Variants in ITPR3 observed in about 807,000 individuals in gnomAD.
The protein encoded by ITPR3 is inositol 1,4,5-trisphosphate receptor type 3.
In ITPR3, 173 loss-of-function variants were observed where a neutral mutation model predicts 293.2. The observed-to-expected ratio is 0.59, with a 90% confidence interval of 0.52 to 0.67. The LOEUF (loss-of-function observed/expected upper bound fraction) is 0.67, where lower values mean the gene tolerates loss of function less well. Among genes scored for constraint, ITPR3 ranks in the 30% least tolerant of loss-of-function variants. The pLI, the probability that ITPR3 is intolerant of heterozygous loss-of-function variation, is 0.00. For missense variants in ITPR3, 2,796 were observed against 3,592.1 expected, an observed-to-expected ratio of 0.78 and a Z score of 5.66; for synonymous variants, 1,295 against 1,444.4, an observed-to-expected ratio of 0.90 and a Z score of 2.35.
rs1765278450 is a variant in ITPR3, at chr6:33,687,870, C to A, written c.6265-187C>A. ...ATTCTCTGGTCATGGCTCTCCCACT[C>A]CCCTCCCTTTGGCACCAGGTTCTCA... On this transcript the variant is annotated intron_variant, in intron 46 of 57. Transcript: ENST00000605930. This position sits in a 1 kb window ranked among gnomAD's most constrained non-coding sequence, Gnocchi z 5.3. Among the ~76,000 whole-genome samples the A allele has an allele frequency of 1.3e-5, 2 of 152,174 alleles. No individual in the cohort carries two copies. The highest frequency in any genetic ancestry group is 3.9e-4 in the East Asian group (2 of 5,158).
At position 33,667,872 on chromosome 6, in the gene ITPR3, G is replaced by T. The variant is rs781464449; in HGVS notation, c.1794G>T (p.Leu598=). The change falls in exon 16 of 58, where the codon CTG becomes CTT. Residue 598 remains leucine, a synonymous_variant. Coordinates refer to ENST00000605930, the MANE Select transcript of ITPR3 (RefSeq NM_002224.4). The surrounding 1 kb of genome is among the most constrained non-coding windows in gnomAD (Gnocchi z 4.4). Reference sequence around the variant, plus strand: ...TGGCCGAGGACACCATCACTGCCCTGCTGCACAACAACCGCAAGCTCCTGG... The same window carrying T: ...TGGCCGAGGACACCATCACTGCCCTTCTGCACAACAACCGCAAGCTCCTGG... ...DILAEDTITA[L]LHNNRKLLEK... The T allele has an allele frequency of 6.2e-7, 1 of 1,614,054 alleles. No individual in the cohort carries two copies. The highest frequency in any genetic ancestry group is 1.7e-5 in the Admixed American group (1 of 60,004).
intron 1 of ITPR3, among the ~76,000 whole-genome samples, chr6:33,634,034 A>C (rs1763758161): frequency 6.6e-6 from 1 of 152,136 alleles, no homozygotes; most frequent in Non-Finnish European, 1.5e-5. Flanking sequence ...AGGTCTCCCG[A>C]CAGGCCATCT....
Position 33,640,551 on chromosome 6 carries a change from C to A in ITPR3, c.157C>A (p.Arg53Ser). The A allele has an allele frequency of 6.2e-7, 1 of 1,612,166 alleles. No homozygotes were observed. Residue 53 changes from arginine (R) to serine (S), a missense_variant, in exon 2 of 58, where the codon CGT becomes AGT. Physicochemically the swap from Arg to Ser is moderately radical, Grantham distance 110 (BLOSUM62 -1). Transcript: ENST00000605930. The part of the protein sequence containing the change: ...GDLDNPPKKF[R>S]DCLFKVCPMN... ...CCTGGACAACCCCCCTAAGAAGTTCCGTGGTAAGACCTCCGCTTCCTCTGC... is the reference window on the plus strand; with the variant it reads ...CCTGGACAACCCCCCTAAGAAGTTCAGTGGTAAGACCTCCGCTTCCTCTGC...
At chr6:33,671,468 A>G (rs1764763720) in intron 21 of ITPR3, among the ~76,000 whole-genome samples, 162 bp downstream of exon 21, 1 of 152,174 alleles carries the variant, frequency 6.6e-6, no homozygotes, top group African/African-American at 2.4e-5. Context: ...CCACCTCAGC[A>G]GGACCAGAGG....
chr6:33,695,537 G>C (rs776902137), intron 57 of ITPR3, 175 bp from the exon 58 acceptor site: 7 of 644,594 alleles, frequency 1.1e-5, no homozygotes, highest in Admixed American at 7.8e-5. Context: ...TGAGAACAAG[G>C]GTTTGGTGCT....
rs375536622 is a variant in ITPR3, at chr6:33,663,758, C to T, written c.1026C>T (p.Gly342=). The change falls in exon 11 of 58, where the codon GGC becomes GGT. Residue 342 remains glycine (G), a synonymous_variant. Coordinates refer to ENST00000605930, the MANE Select transcript of ITPR3 (RefSeq NM_002224.4). ...AAGMGAQGRT[G]RRNAGEKIKY... ...TCCAGGGGGCACAGGGCCGCACAGG[C>T]CGCAGGAATGCTGGGGAGAAGATCA... 13 of 1,614,084 alleles carry T rather than the reference C, an allele frequency of 8.1e-6. No individual in the cohort carries two copies. The highest frequency in any genetic ancestry group is 7.6e-6 in the Non-Finnish European group (9 of 1,180,016).
chr6:33,657,830 T>G, intron 3 of ITPR3, 102 bp from the exon 4 acceptor site: 4 of 851,470 alleles, frequency 4.7e-6, no homozygotes, highest in Non-Finnish European at 7.7e-6. Flanking sequence ...TGTGTGTGTG[T>G]GTGTTTGTGT....
rs1302851800 is a variant in ITPR3 at position 33,675,220 on chromosome 6, G to A, written c.3117-471G>A. Among the ~76,000 whole-genome samples the A allele has an allele frequency of 1.3e-5, 2 of 152,058 alleles. No individual in the cohort carries two copies. Among genetic ancestry groups the A allele is most frequent in the African/African-American group, 4.8e-5 (2 of 41,384 alleles). On this transcript the variant is annotated intron_variant, in intron 24 of 57. Coordinates refer to ENST00000605930, the MANE Select transcript of ITPR3 (RefSeq NM_002224.4). This position sits in a 1 kb window ranked among gnomAD's most constrained non-coding sequence, Gnocchi z 5.0. ...GCAGATCACTTGAGGTCAGGAGTTC[G>A]AGACCAGCCTGGCCAACATGGTGAA...
At chr6:33,628,754 C>T (rs551371636) in intron 1 of ITPR3, among the ~76,000 whole-genome samples, 26 of 152,082 alleles carry the variant, frequency 1.7e-4, no homozygotes, top group Non-Finnish European at 3.1e-4. Context: ...TGGGCAGAGC[C>T]GGAAGGGGCT....
At chr6:33,694,650 G>A (rs2127326276) in intron 56 of ITPR3, 1 of 465,482 alleles carries the variant, frequency 2.1e-6, no homozygotes, top group Admixed American at 3.5e-5. Context: ...TAAACAGATG[G>A]TGCTGATACC....
chr6:33,625,604 G>T (rs1481851319), intron 1 of ITPR3, among the ~76,000 whole-genome samples: 1 of 152,172 alleles, frequency 6.6e-6, no homozygotes, highest in East Asian at 1.9e-4. Context: ...GGTGAACTGG[G>T]TCTTGGAGCT....
In ITPR3 at chr6:33,664,004, T is replaced by G; in HGVS notation, c.1148+124T>G. 1 of 1,163,106 alleles carries G rather than the reference T, an allele frequency of 8.6e-7. No homozygotes were observed. Among genetic ancestry groups the G allele is most frequent in the Non-Finnish European group, 1.2e-6 (1 of 838,248 alleles). The allele number at this position is 1,163,106 out of a possible 1,614,324, so 72.0% of individuals were successfully genotyped here. ...GCGGTCCTTTAGCCTCTGGGGTCTC[T>G]GTAGGTCCCATCCCTCTGGGGATCT... is the stretch of plus-strand genomic sequence containing the variant. On this transcript the variant is annotated intron_variant, in intron 11 of 57. Coordinates refer to ENST00000605930, the MANE Select transcript of ITPR3 (RefSeq NM_002224.4). This position sits in a 1 kb window ranked among gnomAD's most constrained non-coding sequence, Gnocchi z 4.4.
In ITPR3 at chr6:33,621,775, C is replaced by T; in HGVS notation, c.89+84C>T. 2 of 1,027,070 alleles carry T rather than the reference C, an allele frequency of 1.9e-6. No homozygotes were observed. The highest frequency in any genetic ancestry group is 1.4e-5 in the South Asian group (1 of 70,310). 63.6% of individuals were successfully genotyped at this position (1,027,070 alleles called of 1,614,324 possible). A position where few individuals can be genotyped will look rare whatever the true frequency, so the allele number is the denominator to read the frequency against. On this transcript the variant is annotated intron_variant, in intron 1 of 57. Transcript: ENST00000605930. This position sits in a 1 kb window ranked among gnomAD's most constrained non-coding sequence, Gnocchi z 7.7. ...GCCAGCTGCGTGCGTCCAGCCGCCGCCCCCCGATAGAGGCCTGGACGTCCC... is the reference window on the plus strand; with the variant it reads ...GCCAGCTGCGTGCGTCCAGCCGCCGTCCCCCGATAGAGGCCTGGACGTCCC...
chr6:33,685,621 C>T (rs1321826819), intron 40 of ITPR3, 22 bp from the exon 41 acceptor site: 3 of 1,583,488 alleles, frequency 1.9e-6, no homozygotes, highest in Admixed American at 3.4e-5. Flanking sequence ...GCAGCTCCAG[C>T]CTCACCAGGT....
intron 28 of ITPR3, 31 bp downstream of exon 28, chr6:33,677,660 A>G (rs764101371): frequency 1.6e-5 from 26 of 1,608,918 alleles, no homozygotes; most frequent in Non-Finnish European, 2.2e-5. Flanking sequence ...CTGACTCCCC[A>G]GGGTGGCTTC....
Position 33,678,743 on chromosome 6 carries a change from GCA to G in ITPR3, c.3878_3879del (p.His1293ArgfsTer15). ...AGCACTTCGTGCACCTGCTGGCCACGCACGGGCGCCATGTGCAGTACCTGGAC... is the reference window on the plus strand; with the variant it reads ...AGCACTTCGTGCACCTGCTGGCCACGCGGGCGCCATGTGCAGTACCTGGAC... ...LQHFVHLLATHGRHVQYLDFL... is the reference protein window; with the variant it reads ...LQHFVHLLATXGRHVQYLDFL... On this transcript the variant is annotated frameshift_variant, in exon 30 of 58. Transcript: ENST00000605930. LOFTEE classifies it high-confidence loss of function. 6.2e-7 allele frequency: 1 copy of G among 1,613,386 alleles called. No homozygotes were observed. The highest frequency in any genetic ancestry group is 1.7e-4 in the Middle Eastern group (1 of 6,060).
At chr6:33,653,278 C>CTT (rs56048235) in intron 2 of ITPR3, among the ~76,000 whole-genome samples, 3 of 132,068 alleles carry the variant, frequency 2.3e-5, no homozygotes, top group Non-Finnish European at 3.2e-5. Flanking sequence ...TTTTTATTAA[C>CTT]TTTTTTTTTT....
In ITPR3 at chr6:33,695,982, T is replaced by TA. The variant is rs1391920808; in HGVS notation, c.*207dup. The TA allele has an allele frequency of 5.2e-6, 3 of 581,242 alleles. No individual in the cohort carries two copies. Among genetic ancestry groups the TA allele is most frequent in the Non-Finnish European group, 9.2e-6 (3 of 325,402 alleles). The allele number at this position is 581,242 out of a possible 1,614,324, so 36.0% of individuals were successfully genotyped here. The stretch of plus-strand genomic sequence containing the variant: ...AGCTGACAGTCCTGCTTAGAGCCCT[T>TA]AAAAAGACTTGAAAGTTCACTGGGA... On this transcript the variant is annotated 3_prime_UTR_variant, in exon 58 of 58. Transcript: ENST00000605930.
At chr6:33,671,896 T>C in intron 21 of ITPR3, 133 bp from the exon 22 acceptor site, 1 of 890,988 alleles carries the variant, frequency 1.1e-6, no homozygotes, top group Non-Finnish European at 1.7e-6. Flanking sequence ...GCCCTGTCCC[T>C]TCCTTAGCAA....
Sources: allele counts gnomAD v4.1 joint callset (sites outside exome capture counted in the v4.1 genomes callset), GRCh38; gene constraint gnomAD v4.1.1; non-coding constraint Gnocchi (gnomAD v3.1); transcripts MANE v1.5; gene names NCBI Gene and HGNC (gene_info 2026-07-23, HGNC 2026-07-21).